ANKRD30A: variants seen among roughly 807,000 people sequenced by gnomAD.
ANKRD30A encodes the protein ankyrin repeat domain 30A, also known as ankyrin repeat domain-containing protein 30A.
ANKRD30A carries 170 observed loss-of-function variants against 166.3 expected under a neutral mutation model. That is an observed-to-expected ratio of 1.02 (90% CI 0.90 to 1.16). ANKRD30A has a LOEUF of 1.16. ANKRD30A is among the 50% of genes most tolerant of loss of function. The pLI, the probability that ANKRD30A is intolerant of heterozygous loss-of-function variation, is 0.00. For missense variants in ANKRD30A, 1,630 were observed against 1,518.0 expected, an observed-to-expected ratio of 1.07 and a Z score of -1.23; for synonymous variants, 564 against 508.9, an observed-to-expected ratio of 1.11 and a Z score of -1.46.
intron 15 of ANKRD30A, among the ~76,000 whole-genome samples, chr10:37,161,088 C>A (rs1334674111): frequency 2.6e-5 from 4 of 152,144 alleles, no homozygotes; most frequent in Non-Finnish European, 5.9e-5. Flanking sequence ...CCTGTCTCTA[C>A]TAAAAATACA....
chr10:37,207,927 A>C (rs1842079044), intron 31 of ANKRD30A, among the ~76,000 whole-genome samples: 1 of 152,162 alleles, frequency 6.6e-6, no homozygotes, highest in Admixed American at 6.6e-5. Context: ...TGCTGAGTCA[A>C]TTAAAGAAAG....
chr10:37,254,680 TTTC>T, the ANKRD30A span, among the ~76,000 whole-genome samples: 1 of 149,942 alleles, frequency 6.7e-6, no homozygotes, highest in African/African-American at 2.4e-5. Context: ...TTTCTTTTCT[TTTC>T]TTTTTTTTTT....
chr10:37,198,843 G>T (rs780391453), intron 29 of ANKRD30A, among the ~76,000 whole-genome samples: 8 of 152,000 alleles, frequency 5.3e-5, no homozygotes, highest in Non-Finnish European at 1.2e-4. Flanking sequence ...GTGCATGTTT[G>T]CTTTTTTCTT....
chr10:37,234,052 A>G (rs1349329551), downstream of ANKRD30A, among the ~76,000 whole-genome samples: 2 of 152,190 alleles, frequency 1.3e-5, no homozygotes, highest in Non-Finnish European at 2.9e-5. Context: ...GAAACTGATT[A>G]TAATACATCA....
chr10:37,217,694 GATTGACTT>G lies in ANKRD30A; in HGVS notation c.3084_3091del (p.Arg1028SerfsTer16), dbSNP rs758300860. On this transcript the variant is annotated frameshift_variant and splice_region_variant, in exon 33 of 36. Coordinates refer to ENST00000361713, the MANE Select transcript of ANKRD30A (RefSeq NM_052997.3). LOFTEE classifies it high-confidence loss of function. ...TTTAAGATAAGTATGTTTAATGGCA[GATTGACTT>G]TAAACCAAGAAGAAGAGAAGAGAAG... The G allele has an allele frequency of 4.5e-6, 7 of 1,538,600 alleles. No individual in the cohort carries two copies. In the South Asian group the frequency reaches 7.6e-5, roughly 17 times the overall value.
chr10:37,199,860 C>T (rs1196161317), intron 30 of ANKRD30A, 72 bp downstream of exon 30: 39 of 935,022 alleles, frequency 4.2e-5, no homozygotes, highest in Non-Finnish European at 6.2e-5. Context: ...GATGCTTAGA[C>T]TTTATTTTCT....
At chr10:37,229,541 C>T (rs1376507825) in intron 34 of ANKRD30A, among the ~76,000 whole-genome samples, 1 of 151,860 alleles carries the variant, frequency 6.6e-6, no homozygotes, top group African/African-American at 2.4e-5. Context: ...GGAAGCATAT[C>T]ATAAATTATA....
rs952864387 is a variant in ANKRD30A, at chr10:37,197,179, A to C, written c.2615-102A>C. 9.5e-6 allele frequency: 14 copies of C among 1,473,198 alleles called. No homozygotes were observed. The African/African-American group carries it at 1.2e-4, about 13-fold the overall frequency. The allele number at this position is 1,473,198 out of a possible 1,614,324, so 91.3% of individuals were successfully genotyped here. On this transcript the variant is annotated intron_variant, in intron 27 of 35. Transcript: ENST00000361713. ...TCCAAATCTAAAGTATTCATTCTCC[A>C]ATTGGAGCAAGAGGAGTCAGTTAGA...
intron 25 of ANKRD30A, 144 bp from the exon 26 acceptor site, chr10:37,192,920 G>C: frequency 1.3e-6 from 2 of 1,481,918 alleles, no homozygotes; most frequent in South Asian, 2.3e-5. Context: ...AACAAATACA[G>C]TAACCCAAAA....
At chr10:37,198,450 A>T (rs1001305720) in intron 29 of ANKRD30A, among the ~76,000 whole-genome samples, 1 of 152,144 alleles carries the variant, frequency 6.6e-6, no homozygotes, top group African/African-American at 2.4e-5. Flanking sequence ...AAATGAAAAC[A>T]TGCAGATTTC....
At chr10:37,157,800 A>ATT (rs1838500699) in intron 13 of ANKRD30A, among the ~76,000 whole-genome samples, 1 of 152,194 alleles carries the variant, frequency 6.6e-6, no homozygotes, top group Non-Finnish European at 1.5e-5. Flanking sequence ...ACAAAAATGA[A>ATT]TATATTTATT....
rs12766878 is a variant in ANKRD30A at position 37,162,656 on chromosome 10, G to C, written c.1908G>C (p.Pro636=). Residue 636 remains proline (P), a synonymous_variant, in exon 16 of 36, where the codon CCG becomes CCC. Coordinates refer to ENST00000361713, the MANE Select transcript of ANKRD30A (RefSeq NM_052997.3). ...KDMQTFKAEP[P]GKPSAFEPAT... The stretch of plus-strand genomic sequence containing the variant: ...ATCTCTTTTGCTTTTTAGAGCCTCC[G>C]GGGAAGCCATCTGCCTTCGAGGTAT... 90,421 of 1,607,576 alleles carry C rather than the reference G, an allele frequency of 0.056. 2,919 individuals are homozygous for C. Among genetic ancestry groups the C allele is most frequent in the Non-Finnish European group, 0.06 (70,409 of 1,175,928 alleles).
intron 27 of ANKRD30A, among the ~76,000 whole-genome samples, chr10:37,195,030 A>T (rs1840963647): frequency 3.3e-5 from 5 of 152,184 alleles, no homozygotes; most frequent in Admixed American, 3.3e-4. Flanking sequence ...GAAAAATTTT[A>T]GTTTACACTT....
chr10:37,264,183 AT>A, the ANKRD30A span, among the ~76,000 whole-genome samples: 1 of 152,202 alleles, frequency 6.6e-6, no homozygotes, highest in Admixed American at 6.5e-5. Context: ...CTCTCACCAG[AT>A]TAATGAATCC....
chr10:37,201,492 A>C (rs1841624545), intron 31 of ANKRD30A, among the ~76,000 whole-genome samples, 167 bp downstream of exon 31: 1 of 152,082 alleles, frequency 6.6e-6, no homozygotes, highest in African/African-American at 2.4e-5. Context: ...GTGTTGGCAA[A>C]AGACTATATT....
At chr10:37,135,275 A>G (rs1836613375) in intron 5 of ANKRD30A, 1 of 152,168 alleles carries the variant, frequency 6.6e-6, no homozygotes, top group African/African-American at 2.4e-5. Context: ...AATTGAAACA[A>G]TGTTGAGAAG....
intron 13 of ANKRD30A, among the ~76,000 whole-genome samples, chr10:37,154,717 G>A (rs1345437619): frequency 6.6e-6 from 1 of 152,152 alleles, no homozygotes; most frequent in Non-Finnish European, 1.5e-5. Context: ...GGGGACAAGA[G>A]AGAAGCCAGC....
chr10:37,125,611 G>A lies in ANKRD30A; in HGVS notation c.-177G>A, dbSNP rs781374228. 3.0e-4 allele frequency among the ~76,000 whole-genome samples: 46 copies of A among 152,140 alleles called. No homozygotes were observed. The highest frequency in any genetic ancestry group is 5.1e-4 in the Non-Finnish European group (35 of 68,026). ...CTGCTGGCTAACGGCTCTGCTCAGC[G>A]CGATTCTACTGAGAGAGGCCTGAGT... On this transcript the variant is annotated 5_prime_UTR_variant, in exon 1 of 36. Transcript: ENST00000361713.
chr10:37,227,289 ATTT>A (rs1049775581), intron 34 of ANKRD30A, among the ~76,000 whole-genome samples: 4 of 151,874 alleles, frequency 2.6e-5, no homozygotes, highest in African/African-American at 9.7e-5. Context: ...TAGCTATTTT[ATTT>A]TGAGATAATT....
Sources: gnomAD v4.1 joint callset for allele counts (sites outside exome capture counted in the v4.1 genomes callset) on GRCh38, gnomAD v4.1.1 for gene constraint, MANE v1.5 for transcripts, NCBI Gene and HGNC (gene_info 2026-07-23, HGNC 2026-07-21) for gene names.